The following PHF2 variants were observed in gnomAD, a reference collection of about 807,000 sequenced individuals.
PHF2 encodes PHD finger protein 2, also known as lysine-specific demethylase PHF2.
PHF2 carries 27 observed loss-of-function variants against 120.5 expected under a neutral mutation model. The ratio of observed to expected loss-of-function variants is 0.22; its 90% CI spans 0.17 to 0.31. The LOEUF is 0.31. PHF2 is among the 10% of genes least tolerant of loss of function. The pLI, the probability that PHF2 is intolerant of heterozygous loss-of-function variation, is 1.00. For synonymous variants in PHF2, 568 were observed against 592.5 expected (o/e 0.96, Z 0.60); for missense variants, 1,024 against 1,434.8 (o/e 0.71, Z 4.63).
chr9:93,633,063 G>C (rs1381619852), intron 2 of PHF2, among the ~76,000 whole-genome samples: 1 of 152,160 alleles, frequency 6.6e-6, no homozygotes, highest in Non-Finnish European at 1.5e-5. Context: ...GGAACCTCTG[G>C]AGGCCTTGAA....
intron 1 of PHF2, among the ~76,000 whole-genome samples, chr9:93,579,776 T>C (rs1045273947): frequency 6.6e-6 from 1 of 152,200 alleles, no homozygotes; most frequent in Non-Finnish European, 1.5e-5. Context: ...GGTCTCTAAG[T>C]CATCAGCTAC....
chr9:93,645,894 G>A lies in PHF2; in HGVS notation c.460+105G>A, dbSNP rs1227886345. 2.3e-6 allele frequency: 3 copies of A among 1,302,016 alleles called. No homozygotes were observed. The South Asian group carries it at 4.7e-5, about 20-fold the overall frequency. 80.7% of individuals were successfully genotyped at this position (1,302,016 alleles called of 1,614,324 possible). The stretch of plus-strand genomic sequence containing the variant: ...CCACGCCCTGGCTGTGTCCATGTGT[G>A]CCGTGAGCAGTGGAGCCTCAAGGCT... On this transcript the variant is annotated intron_variant, in intron 4 of 21. Coordinates refer to ENST00000359246, the MANE Select transcript of PHF2 (RefSeq NM_005392.4).
rs1826916538 is a variant in PHF2 at position 93,676,637 on chromosome 9, T to G, written c.2876T>G (p.Leu959Arg). The G allele has an allele frequency of 1.2e-6, 2 of 1,607,730 alleles. No individual in the cohort carries two copies. The highest frequency in any genetic ancestry group is 8.5e-7 in the Non-Finnish European group (1 of 1,176,272). The change falls in exon 21 of 22, where the codon CTG becomes CGG. Residue 959 changes from leucine (L) to arginine (R), a missense_variant. Physicochemically the swap from Leu to Arg is moderately radical, Grantham distance 102 (BLOSUM62 -2). This residue lies in a region of PHF2 where 677 missense variants were observed against 857.4 expected (regional missense o/e 0.79). Transcript: ENST00000359246. ...SKKKKSAKRKLTPNTTSPSTS... is the reference protein window; with the variant it reads ...SKKKKSAKRKRTPNTTSPSTS... ...AAAAAAAAGAGTGCCAAGAGGAAGC[T>G]GACTCCTAACACCACCTCCCCTTCC...
intron 3 of PHF2, 82 bp from the exon 4 acceptor site, chr9:93,645,547 C>T (rs1826241694): frequency 1.4e-6 from 2 of 1,410,154 alleles, no homozygotes; most frequent in South Asian, 3.0e-5. Flanking sequence ...CTCACCTCTC[C>T]AGCACCGAGG....
chr9:93,577,225 G>C (rs1862839760), intron 1 of PHF2, among the ~76,000 whole-genome samples: 1 of 151,166 alleles, frequency 6.6e-6, no homozygotes, highest in Non-Finnish European at 1.5e-5. Flanking sequence ...CAGAGGCCGG[G>C]CATCCGGAGG....
rs1826949275 is a variant in PHF2, at chr9:93,677,875, T to G, written c.*199T>G. 8.7e-6 allele frequency: 5 copies of G among 574,428 alleles called. No individual in the cohort carries two copies. In the South Asian group the frequency reaches 1.1e-4, roughly 12 times the overall value. 35.6% of individuals were successfully genotyped at this position (574,428 alleles called of 1,614,324 possible). Reference sequence around the variant, plus strand: ...GCCCCTCAATTTGAAAATGGACGTCTTTTCTCAAGTTGCTAAGAGTGATCT... The same window carrying G: ...GCCCCTCAATTTGAAAATGGACGTCGTTTCTCAAGTTGCTAAGAGTGATCT... On this transcript the variant is annotated 3_prime_UTR_variant, in exon 22 of 22. Coordinates refer to ENST00000359246, the MANE Select transcript of PHF2 (RefSeq NM_005392.4). The surrounding 1 kb of genome is among the most constrained non-coding windows in gnomAD (Gnocchi z 4.4).
chr9:93,629,112 G>A (rs1034990071), intron 1 of PHF2, among the ~76,000 whole-genome samples: 1 of 152,074 alleles, frequency 6.6e-6, no homozygotes, highest in Non-Finnish European at 1.5e-5. Flanking sequence ...TGTTGGCCAG[G>A]CTGATCTCGA....
chr9:93,640,478 C>A (rs559913750), intron 3 of PHF2, among the ~76,000 whole-genome samples: 1 of 151,982 alleles, frequency 6.6e-6, no homozygotes, highest in Non-Finnish European at 1.5e-5. Context: ...CATGTCTAGT[C>A]TACTGATGAG....
chr9:93,632,079 C>T (rs562254991), intron 2 of PHF2, among the ~76,000 whole-genome samples: 5 of 152,246 alleles, frequency 3.3e-5, no homozygotes, highest in Non-Finnish European at 7.4e-5. Flanking sequence ...CCCCAGACAT[C>T]CCCAGAAACA....
chr9:93,648,107 CA>C (rs1826292925), intron 4 of PHF2, among the ~76,000 whole-genome samples: 1 of 88,058 alleles, frequency 1.1e-5, no homozygotes, highest in African/African-American at 4.6e-5. Flanking sequence ...ATTAGACCCC[CA>C]CATTGCATTT....
chr9:93,675,363 T>A (rs1043851272), intron 19 of PHF2, among the ~76,000 whole-genome samples: 1 of 152,242 alleles, frequency 6.6e-6, no homozygotes, highest in African/African-American at 2.4e-5. Context: ...TGATGGTGGC[T>A]GAGGGACACC....
At chr9:93,594,312 A>C (rs1250848145) in intron 1 of PHF2, among the ~76,000 whole-genome samples, 4 of 152,296 alleles carry the variant, frequency 2.6e-5, no homozygotes, top group Admixed American at 6.5e-5. Context: ...CCTGCATGTA[A>C]GAGTTTTCAG....
intron 20 of PHF2, 114 bp from the exon 21 acceptor site, chr9:93,676,480 C>T: frequency 7.6e-7 from 1 of 1,312,106 alleles, no homozygotes; most frequent in Non-Finnish European, 1.0e-6. Context: ...CAGGCCCCTG[C>T]TGCCCAGCCC....
At chr9:93,674,458 T>C (rs1326183427) in intron 18 of PHF2, among the ~76,000 whole-genome samples, 1 of 152,166 alleles carries the variant, frequency 6.6e-6, no homozygotes, top group Non-Finnish European at 1.5e-5. Context: ...AACAGAACCT[T>C]TCCTGGAGCC....
chr9:93,678,066 C>G lies in PHF2; in HGVS notation c.*390C>G, dbSNP rs1465963440. ...AGCCAATGCTCACCAGCCCCAGAGT[C>G]AGAGCTGGCCACAGGCTGGCAGCCT... On this transcript the variant is annotated 3_prime_UTR_variant, in exon 22 of 22. Transcript: ENST00000359246. 1 of 175,688 alleles carries G rather than the reference C, an allele frequency of 5.7e-6. No individual in the cohort carries two copies. Among genetic ancestry groups the G allele is most frequent in the African/African-American group, 2.4e-5 (1 of 42,364 alleles). The allele number at this position is 175,688 out of a possible 1,614,324, so 10.9% of individuals were successfully genotyped here.
intron 1 of PHF2, among the ~76,000 whole-genome samples, chr9:93,609,362 A>C (rs1461670458): frequency 6.6e-6 from 1 of 152,070 alleles, no homozygotes; most frequent in East Asian, 1.9e-4. Flanking sequence ...TACTTCCCTA[A>C]TACTCTCCCT....
chr9:93,675,814 C>G (rs758598457), intron 20 of PHF2, 25 bp downstream of exon 20: 6 of 1,568,828 alleles, frequency 3.8e-6, no homozygotes, highest in South Asian at 3.3e-5. Context: ...GAAGGACACA[C>G]GGCAGCCAGG....
intron 1 of PHF2, among the ~76,000 whole-genome samples, chr9:93,597,622 C>T (rs1249884685): frequency 6.6e-6 from 1 of 152,046 alleles, no homozygotes; most frequent in Non-Finnish European, 1.5e-5. Context: ...TTTCAGGGTA[C>T]AGGTATGGTT....
chr9:93,602,053 C>G (rs572564716), intron 1 of PHF2, among the ~76,000 whole-genome samples: 6 of 152,186 alleles, frequency 3.9e-5, no homozygotes, highest in South Asian at 4.2e-4. Flanking sequence ...CCCAGTGGCT[C>G]CTAACTGGGC....
Sources: allele counts gnomAD v4.1 joint callset (sites outside exome capture counted in the v4.1 genomes callset), GRCh38; gene constraint gnomAD v4.1.1; regional missense constraint gnomAD v4.1.1; non-coding constraint Gnocchi (gnomAD v3.1); transcripts MANE v1.5; gene names NCBI Gene and HGNC (gene_info 2026-07-23, HGNC 2026-07-21).